CACNA1B: variants seen among roughly 807,000 people sequenced by gnomAD.
The protein encoded by CACNA1B is voltage-dependent N-type calcium channel subunit alpha-1B.
In CACNA1B, 70 loss-of-function variants were observed where a neutral mutation model predicts 247.2. That is an observed-to-expected ratio of 0.28 (90% CI 0.23 to 0.35). The LOEUF is 0.35. Among genes scored for constraint, CACNA1B ranks in the 10% least tolerant of loss-of-function variants. The pLI, the probability that CACNA1B is intolerant of heterozygous loss-of-function variation, is 1.00. For synonymous variants in CACNA1B, 1,231 were observed against 1,294.4 expected (o/e 0.95, Z 1.05); for missense variants, 2,367 against 3,197.4 (o/e 0.74, Z 6.26).
In CACNA1B at chr9:138,058,791, C is replaced by A; in HGVS notation, c.4473+58C>A. The A allele has an allele frequency of 6.8e-7, 1 of 1,477,830 alleles. No homozygotes were observed. Among genetic ancestry groups the A allele is most frequent in the South Asian group, 1.2e-5 (1 of 82,106 alleles). 91.5% of individuals were successfully genotyped at this position (1,477,830 alleles called of 1,614,324 possible). On this transcript the variant is annotated intron_variant, in intron 29 of 46. Coordinates refer to ENST00000371372, the MANE Select transcript of CACNA1B (RefSeq NM_000718.4). This position sits in a 1 kb window ranked among gnomAD's most constrained non-coding sequence, Gnocchi z 4.7. ...CGCTGCTAGGGATTGGGATCTAACCCTGAGGCTGAGTGGAGAGTCAGCCTT... is the reference window on the plus strand; with the variant it reads ...CGCTGCTAGGGATTGGGATCTAACCATGAGGCTGAGTGGAGAGTCAGCCTT...
chr9:137,926,929 G>T (rs909360555), intron 6 of CACNA1B, among the ~76,000 whole-genome samples: 4 of 152,116 alleles, frequency 2.6e-5, no homozygotes, highest in Admixed American at 2.0e-4. Context: ...TGTATATTCT[G>T]AGTATAATCC....
intron 21 of CACNA1B, among the ~76,000 whole-genome samples, chr9:138,045,869 C>T (rs183364550): frequency 5.3e-5 from 8 of 152,226 alleles, no homozygotes; most frequent in African/African-American, 1.4e-4. Flanking sequence ...TGTGGGCAGC[C>T]GCTTAAGATG....
intron 15 of CACNA1B, among the ~76,000 whole-genome samples, chr9:137,995,906 T>C (rs973769891): frequency 6.6e-6 from 1 of 152,056 alleles, no homozygotes; most frequent in Non-Finnish European, 1.5e-5. Context: ...CAAAAGCATA[T>C]GGAAAAATGC....
Position 137,986,616 on chromosome 9 carries a change from C to T in CACNA1B, c.1901+72C>T, listed in dbSNP as rs544223080. On this transcript the variant is annotated intron_variant, in intron 14 of 46. Transcript: ENST00000371372. This position sits in a 1 kb window ranked among gnomAD's most constrained non-coding sequence, Gnocchi z 6.0. ...AAGCAGAGCTCAGAGCAGACGGTGC[C>T]GCCCAGGCTGCCTCCACCCACCTTC... The T allele has an allele frequency of 6.4e-5, 101 of 1,573,784 alleles. No individual in the cohort carries two copies. Among genetic ancestry groups the T allele is most frequent in the African/African-American group, 4.6e-4 (34 of 74,274 alleles).
At chr9:138,098,578 C>T (rs1961137236) in intron 37 of CACNA1B, among the ~76,000 whole-genome samples, 2 of 152,200 alleles carry the variant, frequency 1.3e-5, no homozygotes. Flanking sequence ...GGGCCTTCCA[C>T]AGTCAGCCGC....
In CACNA1B at chr9:138,101,982, G is replaced by A. The variant is rs192230282; in HGVS notation, c.5223-729G>A. Among the ~76,000 whole-genome samples, 174 of 152,290 alleles carry A rather than the reference G, an allele frequency of 1.1e-3. 1 individual carries two copies. Among genetic ancestry groups the A allele is most frequent in the Non-Finnish European group, 1.9e-3 (127 of 68,012 alleles). On this transcript the variant is annotated intron_variant, in intron 37 of 46. Coordinates refer to ENST00000371372, the MANE Select transcript of CACNA1B (RefSeq NM_000718.4). The stretch of plus-strand genomic sequence containing the variant: ...CTGCCCCTTTGCTGTCAGAGCTGGT[G>A]CAAGGTGGCCCCAGGCCATGTCCTG...
At chr9:138,030,137 A>T (rs1209339005) in intron 20 of CACNA1B, among the ~76,000 whole-genome samples, 1 of 152,174 alleles carries the variant, frequency 6.6e-6, no homozygotes, top group Non-Finnish European at 1.5e-5. Context: ...GCAAGAACTG[A>T]CATCTTTCCT....
intron 15 of CACNA1B, among the ~76,000 whole-genome samples, chr9:138,004,220 T>C (rs982629974): frequency 6.6e-6 from 1 of 152,082 alleles, no homozygotes; most frequent in Non-Finnish European, 1.5e-5. Context: ...GAAAACTGTG[T>C]GATGGTTTAC....
chr9:137,965,910 G>A (rs563756279), intron 10 of CACNA1B, among the ~76,000 whole-genome samples: 5 of 152,268 alleles, frequency 3.3e-5, no homozygotes, highest in African/African-American at 1.2e-4. Context: ...AGTTCCTCTT[G>A]TATTTCTAGT....
chr9:138,115,739 G>A, intron 42 of CACNA1B, 60 bp downstream of exon 42: 2 of 1,516,468 alleles, frequency 1.3e-6, no homozygotes, highest in South Asian at 1.2e-5. Context: ...AGTAAAGGGG[G>A]AAGCAGACAT....
rs547139596 is a variant in CACNA1B, at chr9:137,878,283, A to G, written c.284+66A>G. The G allele has an allele frequency of 7.2e-5, 83 of 1,155,154 alleles. 1 individual carries two copies. In the East Asian group the frequency reaches 2.7e-3, roughly 38 times the overall value. 71.6% of individuals were successfully genotyped at this position (1,155,154 alleles called of 1,614,324 possible). ...CGGGGTGGGGGCCGGGGCCGGGGCC[A>G]TCTTCCCGGTGGCCGGGAGGGCGCG... On this transcript the variant is annotated intron_variant, in intron 1 of 46. Transcript: ENST00000371372.
At chr9:138,074,111 G>T in intron 34 of CACNA1B, 45 bp downstream of exon 34, 1 of 1,399,408 alleles carries the variant, frequency 7.1e-7, no homozygotes, top group Middle Eastern at 1.8e-4. Flanking sequence ...GGCCTCCCGT[G>T]CCCTGGAGCA....
rs534332652 is a variant in CACNA1B, at chr9:138,073,834, G to C, written c.4792-167G>C. ...AGGTGGGTTTCATGACTCCGAGTTA[G>C]AGATAAAGAAACTGGGGCATCACTT... On this transcript the variant is annotated intron_variant, in intron 33 of 46. Coordinates refer to ENST00000371372, the MANE Select transcript of CACNA1B (RefSeq NM_000718.4). This position sits in a 1 kb window ranked among gnomAD's most constrained non-coding sequence, Gnocchi z 6.4. Among the ~76,000 whole-genome samples, 144 of 152,354 alleles carry C rather than the reference G, an allele frequency of 9.5e-4. No individual in the cohort carries two copies. The highest frequency in any genetic ancestry group is 3.3e-3 in the African/African-American group (139 of 41,578).
Position 138,051,602 on chromosome 9 carries a change from C to T in CACNA1B, c.3711-490C>T, listed in dbSNP as rs1043541527. 1.3e-5 allele frequency among the ~76,000 whole-genome samples: 2 copies of T among 151,910 alleles called. No individual in the cohort carries two copies. The highest frequency in any genetic ancestry group is 4.8e-5 in the African/African-American group (2 of 41,314). On this transcript the variant is annotated intron_variant, in intron 24 of 46. Transcript: ENST00000371372. This position sits in a 1 kb window ranked among gnomAD's most constrained non-coding sequence, Gnocchi z 4.3. Reference sequence around the variant, plus strand: ...TGTCTTCCCGCTGTCGGTTTCACGTCAGCGGGAGGAATGTTAGGACGGCTG... The same window carrying T: ...TGTCTTCCCGCTGTCGGTTTCACGTTAGCGGGAGGAATGTTAGGACGGCTG...
chr9:138,079,220 A>G (rs1960430528), intron 36 of CACNA1B, among the ~76,000 whole-genome samples: 1 of 151,940 alleles, frequency 6.6e-6, no homozygotes, highest in Admixed American at 6.6e-5. Flanking sequence ...TCTCAAGGTG[A>G]CTCTGTGTGT....
rs1366210824 is a variant in CACNA1B at position 138,058,671 on chromosome 9, C to T, written c.4411C>T (p.Pro1471Ser). Residue 1471 changes from proline (P) to serine (S), a missense_variant, in exon 29 of 47, where the codon CCG becomes TCG. Coordinates refer to ENST00000371372, the MANE Select transcript of CACNA1B (RefSeq NM_000718.4). The surrounding 1 kb of genome is among the most constrained non-coding windows in gnomAD (Gnocchi z 4.7). Reference sequence around the variant, plus strand: ...TAAGACGTGGACATTTGTGGTCTCCCCGCCCTTTGAATACTTCATCATGGC... The same window carrying T: ...TAAGACGTGGACATTTGTGGTCTCCTCGCCCTTTGAATACTTCATCATGGC... ...QYKTWTFVVS[P>S]PFEYFIMAMI... The T allele has an allele frequency of 6.2e-7, 1 of 1,613,014 alleles. No homozygotes were observed. The highest frequency in any genetic ancestry group is 8.5e-7 in the Non-Finnish European group (1 of 1,179,460).
intron 36 of CACNA1B, among the ~76,000 whole-genome samples, chr9:138,094,374 A>G (rs1960982720): frequency 6.6e-6 from 1 of 151,076 alleles, no homozygotes; most frequent in African/African-American, 2.4e-5. Flanking sequence ...AATATACTTA[A>G]TGCCACTGAC....
chr9:138,120,566 G>T, intron 45 of CACNA1B, 65 bp from the exon 46 acceptor site: 1 of 1,453,250 alleles, frequency 6.9e-7, no homozygotes. Flanking sequence ...TGTCCTGCTG[G>T]GCCCGGGGGT....
chr9:138,097,706 C>T lies in CACNA1B; in HGVS notation c.5222+1095C>T, dbSNP rs572793231. On this transcript the variant is annotated intron_variant, in intron 37 of 46. Transcript: ENST00000371372. Reference sequence around the variant, plus strand: ...CTCTGAGCTCCTCAGCCTGCCCAGGCCCCCTCGCACTCCTCTGCCCCCAGT... The same window carrying T: ...CTCTGAGCTCCTCAGCCTGCCCAGGTCCCCTCGCACTCCTCTGCCCCCAGT... Among the ~76,000 whole-genome samples, 3 of 152,282 alleles carry T rather than the reference C, an allele frequency of 2.0e-5. No individual in the cohort carries two copies. The South Asian group carries it at 6.2e-4, about 32-fold the overall frequency.
Sources: gnomAD v4.1 joint callset for allele counts (sites outside exome capture counted in the v4.1 genomes callset) on GRCh38, gnomAD v4.1.1 for gene constraint, Gnocchi (gnomAD v3.1) non-coding constraint, MANE v1.5 for transcripts, NCBI Gene and HGNC (gene_info 2026-07-23, HGNC 2026-07-21) for gene names.